PHF20: variants seen among roughly 807,000 people sequenced by gnomAD.
The protein encoded by PHF20 is glioma-expressed antigen 2.
A neutral mutation model predicts 113.5 loss-of-function variants in PHF20; 23 were observed. The ratio of observed to expected loss-of-function variants is 0.20; its 90% confidence interval spans 0.15 to 0.29. PHF20 has a LOEUF of 0.29. Among genes scored for constraint, PHF20 ranks in the 10% least tolerant of loss-of-function variants. The pLI is 1.00. For synonymous variants in PHF20, 434 were observed against 457.3 expected, an observed-to-expected ratio of 0.95 and a Z score of 0.65; for missense variants, 943 against 1,219.6, an observed-to-expected ratio of 0.77 and a Z score of 3.38.
At chr20:35,837,092 G>C (rs1282006919) in intron 2 of PHF20, among the ~76,000 whole-genome samples, 1 of 152,090 alleles carries the variant, frequency 6.6e-6, no homozygotes, top group East Asian at 1.9e-4. Flanking sequence ...TGGATCACCT[G>C]AGCCTGGTAG....
chr20:35,900,345 G>A (rs1016033141), intron 10 of PHF20, among the ~76,000 whole-genome samples: 3 of 152,058 alleles, frequency 2.0e-5, no homozygotes, highest in Non-Finnish European at 4.4e-5. Context: ...TGGCTTAGAG[G>A]TTTTCTATTA....
At chr20:35,938,225 A>G (rs945822637) in intron 15 of PHF20, among the ~76,000 whole-genome samples, 19 of 152,148 alleles carry the variant, frequency 1.2e-4, no homozygotes, top group African/African-American at 4.3e-4. Flanking sequence ...GGAGAAGGGT[A>G]TAATGTGGCT....
chr20:35,778,236 A>C (rs2146824623), intron 1 of PHF20, among the ~76,000 whole-genome samples: 2 of 152,242 alleles, frequency 1.3e-5, no homozygotes, highest in Admixed American at 1.3e-4. Context: ...GGTGCGCACC[A>C]CCATGCCCAA....
intron 10 of PHF20, among the ~76,000 whole-genome samples, chr20:35,903,078 T>C (rs370036571): frequency 0.021 from 1,425 of 68,884 alleles, 29 homozygotes; most frequent in African/African-American, 0.21. Context: ...CTATCCTTTC[T>C]TTTTTTTTTT....
chr20:35,852,846 G>A (rs111655102), intron 4 of PHF20, among the ~76,000 whole-genome samples: 1 of 150,636 alleles, frequency 6.6e-6, no homozygotes, highest in South Asian at 2.1e-4. Flanking sequence ...ATCCACCCGC[G>A]TCGGTCTCCC....
At chr20:35,931,600 TA>T (rs879553913) in intron 15 of PHF20, among the ~76,000 whole-genome samples, 156 bp downstream of exon 15, 132 of 144,056 alleles carry the variant, frequency 9.2e-4, no homozygotes, top group African/African-American at 2.7e-3. Context: ...AAACATTCTT[TA>T]AAAAAAAAAA....
At chr20:35,908,269 G>T (rs771256635) in intron 10 of PHF20, among the ~76,000 whole-genome samples, 5 of 152,192 alleles carry the variant, frequency 3.3e-5, no homozygotes, top group Non-Finnish European at 5.9e-5. Context: ...CTGTTCCTCA[G>T]GGACTCACCT....
chr20:35,823,199 G>A (rs1389309062), intron 2 of PHF20, among the ~76,000 whole-genome samples: 5 of 151,930 alleles, frequency 3.3e-5, no homozygotes, highest in African/African-American at 9.7e-5. Flanking sequence ...AAAAAGTTTC[G>A]GATTTTGGAT....
rs773060725 is a variant in PHF20 at position 35,881,048 on chromosome 20, C to CTTTTTTTTTTTTT, written c.1282+9229_1282+9241dup. Among the ~76,000 whole-genome samples, 278 of 109,740 alleles carry CTTTTTTTTTTTTT rather than the reference C, an allele frequency of 2.5e-3. 23 individuals are homozygous for CTTTTTTTTTTTTT. The highest frequency in any genetic ancestry group is 8.8e-3 in the African/African-American group (224 of 25,338). 72.0% of individuals were successfully genotyped at this position (109,740 alleles called of 152,430 possible). ...GTTCCAGACCTTTATCTCTAAATAC[C>CTTTTTTTTTTTTT]TTTTTTTTTTTTTTTTTTTTTTCTG... On this transcript the variant is annotated intron_variant, in intron 9 of 17. Coordinates refer to ENST00000374012, the MANE Select transcript of PHF20 (RefSeq NM_016436.5).
Position 35,871,773 on chromosome 20 carries a change from T to A in PHF20, c.1226T>A (p.Met409Lys). ...LNCPSMGENT[M>K]KTEPTSPLVE... ...TGCCCATCAATGGGAGAAAACACGA[T>A]GAAAACAGAACCGACTTCTCCCCTT... Residue 409 changes from methionine to lysine, a missense_variant, in exon 9 of 18, where the codon ATG (methionine) becomes AAG (lysine). By Grantham distance (95) the Met-to-Lys change is moderately conservative. This residue lies in a region of PHF20 where 592 missense variants were observed against 787.2 expected (regional missense o/e 0.75). Coordinates refer to ENST00000374012, the MANE Select transcript of PHF20 (RefSeq NM_016436.5). 6.2e-7 allele frequency: 1 copy of A among 1,613,594 alleles called. No homozygotes were observed. Among genetic ancestry groups the A allele is most frequent in the Non-Finnish European group, 8.5e-7 (1 of 1,179,692 alleles).
At chr20:35,920,761 C>T (rs539577821) in intron 13 of PHF20, among the ~76,000 whole-genome samples, 140 of 152,332 alleles carry the variant, frequency 9.2e-4, no homozygotes, top group Admixed American at 1.6e-3. Flanking sequence ...CATACCCACA[C>T]TTTAGGCTGA....
chr20:35,799,690 T>C (rs1480025752), intron 1 of PHF20, among the ~76,000 whole-genome samples: 1 of 151,898 alleles, frequency 6.6e-6, no homozygotes, highest in African/African-American at 2.4e-5. Context: ...TTTTTCAAGA[T>C]GGAGTCTTGC....
chr20:35,897,559 C>CTTTTTTTTTTTTTT (rs150122625), intron 9 of PHF20, among the ~76,000 whole-genome samples: 2 of 107,684 alleles, frequency 1.9e-5, no homozygotes, highest in Non-Finnish European at 3.6e-5. Flanking sequence ...TTCTGGATCC[C>CTTTTTTTTTTTTTT]TTTTTTTTTT....
intron 1 of PHF20, among the ~76,000 whole-genome samples, chr20:35,777,422 G>T (rs2041197092): frequency 6.6e-6 from 1 of 152,212 alleles, no homozygotes; most frequent in Non-Finnish European, 1.5e-5. Context: ...CTGTATCTGT[G>T]GGAATCAGTT....
chr20:35,881,290 T>C (rs1427654602), intron 9 of PHF20, among the ~76,000 whole-genome samples: 6 of 151,892 alleles, frequency 4.0e-5, no homozygotes, highest in African/African-American at 1.4e-4. Context: ...ACTCCTGACC[T>C]CAGGTGATCC....
rs567717521 is a variant in PHF20 at position 35,926,504 on chromosome 20, G to A, written c.2005-1276G>A. On this transcript the variant is annotated intron_variant, in intron 13 of 17. Coordinates refer to ENST00000374012, the MANE Select transcript of PHF20 (RefSeq NM_016436.5). ...TCCGCCCGCCTCGGCCTCCCAAAGTGCTGGGATTACAAGCGTGAGCCACCG... is the reference window on the plus strand; with the variant it reads ...TCCGCCCGCCTCGGCCTCCCAAAGTACTGGGATTACAAGCGTGAGCCACCG... Among the ~76,000 whole-genome samples, 9 of 152,206 alleles carry A rather than the reference G, an allele frequency of 5.9e-5. No individual in the cohort carries two copies. The South Asian group carries it at 1.9e-3, about 32-fold the overall frequency.
intron 1 of PHF20, among the ~76,000 whole-genome samples, chr20:35,794,660 CT>C (rs2041632075): frequency 6.6e-6 from 1 of 152,118 alleles, no homozygotes; most frequent in South Asian, 2.1e-4. Context: ...GTCCCAGAGA[CT>C]TTTTTCCTCG....
intron 1 of PHF20, among the ~76,000 whole-genome samples, chr20:35,786,696 G>A (rs1282293552): frequency 2.0e-5 from 3 of 152,240 alleles, no homozygotes; most frequent in East Asian, 3.9e-4. Flanking sequence ...GCTTGACTCC[G>A]TCTCAAAACT....
intron 15 of PHF20, among the ~76,000 whole-genome samples, chr20:35,931,666 A>T (rs1196006759): frequency 6.6e-6 from 1 of 152,096 alleles, no homozygotes; most frequent in East Asian, 1.9e-4. Context: ...TTAAGAGTTC[A>T]TTGAGGCCGG....
Sources: allele counts gnomAD v4.1 joint callset (sites outside exome capture counted in the v4.1 genomes callset), GRCh38; gene constraint gnomAD v4.1.1; regional missense constraint gnomAD v4.1.1; transcripts MANE v1.5; gene names NCBI Gene and HGNC (gene_info 2026-07-23, HGNC 2026-07-21).